ADAMTSL1: variants seen among roughly 807,000 people sequenced by gnomAD.
ADAMTSL1 encodes ADAMTS like 1, also known as ADAMTS-like protein 1.
ADAMTSL1 carries 126 observed loss-of-function variants against 201.8 expected under a neutral mutation model. The ratio of observed to expected loss-of-function variants is 0.62; its 90% CI spans 0.54 to 0.72. ADAMTSL1 has a LOEUF of 0.72. ADAMTSL1 is among the 30% of genes least tolerant of loss of function. The pLI, the probability that ADAMTSL1 is intolerant of heterozygous loss-of-function variation, is 0.00. For synonymous variants in ADAMTSL1, 1,121 were observed against 903.4 expected (o/e 1.24, Z -4.32); for missense variants, 2,679 against 2,277.8 (o/e 1.18, Z -3.59).
intron 1 of ADAMTSL1, among the ~76,000 whole-genome samples, chr9:18,022,849 G>T (rs1185062393): frequency 6.6e-6 from 1 of 151,878 alleles, no homozygotes. Context: ...TGACTATTTT[G>T]GTTCCGGAAT....
intron 1 of ADAMTSL1, among the ~76,000 whole-genome samples, chr9:17,951,232 G>T (rs905362582): frequency 6.6e-6 from 1 of 152,176 alleles, no homozygotes; most frequent in Non-Finnish European, 1.5e-5. Context: ...AAGGTAAAGA[G>T]ATGTGTGGCA....
Position 18,661,925 on chromosome 9 carries a change from G to C in ADAMTSL1, c.947-10G>C. 6 of 1,610,262 alleles carry C rather than the reference G, an allele frequency of 3.7e-6. No homozygotes were observed. The highest frequency in any genetic ancestry group is 5.1e-6 in the Non-Finnish European group (6 of 1,178,700). On this transcript the variant is annotated splice_polypyrimidine_tract_variant and intron_variant, in intron 8 of 28. Transcript: ENST00000380548. The stretch of plus-strand genomic sequence containing the variant: ...ACATTTAAACTTGCCTGGATGGTTT[G>C]ATACTACAGGTTATCAGCTGACATC...
intron 1 of ADAMTSL1, among the ~76,000 whole-genome samples, chr9:18,157,955 T>C (rs1486416584): frequency 6.6e-6 from 1 of 152,032 alleles, no homozygotes; most frequent in Non-Finnish European, 1.5e-5. Context: ...ATAGGTATAT[T>C]GTCACTACAG....
intron 2 of ADAMTSL1, among the ~76,000 whole-genome samples, chr9:18,338,444 T>C (rs1327466330): frequency 6.6e-6 from 1 of 150,854 alleles, no homozygotes; most frequent in Non-Finnish European, 1.5e-5. Context: ...TCCCCTTTTC[T>C]GTTTTTGGCT....
chr9:18,009,571 G>GAAAC (rs1188217782), intron 1 of ADAMTSL1, among the ~76,000 whole-genome samples: 2 of 152,014 alleles, frequency 1.3e-5, no homozygotes, highest in African/African-American at 4.8e-5. Context: ...TTGGATAAGA[G>GAAAC]AAACTACTTT....
At chr9:17,954,782 AC>A (rs1444381437) in intron 1 of ADAMTSL1, among the ~76,000 whole-genome samples, 1 of 152,136 alleles carries the variant, frequency 6.6e-6, no homozygotes, top group African/African-American at 2.4e-5. Context: ...AAAATTAAAC[AC>A]AGTTAGGTCT....
intron 14 of ADAMTSL1, among the ~76,000 whole-genome samples, chr9:18,718,979 G>A (rs1000217416): frequency 6.6e-6 from 1 of 152,198 alleles, no homozygotes; most frequent in African/African-American, 2.4e-5. Context: ...CACAGCTCTA[G>A]ATTCTGTATG....
At chr9:18,542,067 G>A (rs1028134318) in intron 3 of ADAMTSL1, among the ~76,000 whole-genome samples, 6 of 152,166 alleles carry the variant, frequency 3.9e-5, no homozygotes, top group African/African-American at 1.4e-4. Flanking sequence ...ACCTAATACA[G>A]AGCAGGGAGG....
chr9:18,687,578 T>C (rs1320225539), intron 13 of ADAMTSL1, among the ~76,000 whole-genome samples: 2 of 152,222 alleles, frequency 1.3e-5, no homozygotes, highest in Non-Finnish European at 2.9e-5. Context: ...TTTATTTCCG[T>C]ATATGGAAAG....
chr9:18,529,415 T>C (rs961666893), intron 2 of ADAMTSL1, among the ~76,000 whole-genome samples: 2 of 152,202 alleles, frequency 1.3e-5, no homozygotes, highest in African/African-American at 4.8e-5. Flanking sequence ...TTCTTATTGT[T>C]TGATAGACTT....
intron 2 of ADAMTSL1, among the ~76,000 whole-genome samples, chr9:18,259,042 C>G (rs1337008506): frequency 6.6e-6 from 1 of 152,178 alleles, no homozygotes; most frequent in South Asian, 2.1e-4. Flanking sequence ...AGTGACTTTT[C>G]TTTGACTCTG....
At chr9:18,018,334 C>A (rs1402024875) in intron 1 of ADAMTSL1, among the ~76,000 whole-genome samples, 1 of 152,050 alleles carries the variant, frequency 6.6e-6, no homozygotes, top group Non-Finnish European at 1.5e-5. Context: ...TAGCAGACAA[C>A]CTTTAAGACT....
chr9:18,770,209 G>T (rs983135434), intron 16 of ADAMTSL1, among the ~76,000 whole-genome samples: 3 of 152,160 alleles, frequency 2.0e-5, no homozygotes, highest in African/African-American at 7.2e-5. Flanking sequence ...ACTGATGGCG[G>T]GAGCTCTCTC....
chr9:18,767,745 T>C (rs1258891529), intron 16 of ADAMTSL1, among the ~76,000 whole-genome samples: 2 of 152,228 alleles, frequency 1.3e-5, no homozygotes, highest in African/African-American at 4.8e-5. Flanking sequence ...CTTTAATGTC[T>C]TATTGAATTG....
intron 1 of ADAMTSL1, among the ~76,000 whole-genome samples, chr9:17,928,144 G>A (rs539808367): frequency 2.1e-4 from 32 of 151,920 alleles, no homozygotes; most frequent in Non-Finnish European, 5.9e-5. Flanking sequence ...ACAGGGATAC[G>A]CCAACCAGGC....
intron 1 of ADAMTSL1, among the ~76,000 whole-genome samples, chr9:17,931,516 T>C (rs1175214529): frequency 6.6e-6 from 1 of 152,180 alleles, no homozygotes; most frequent in Non-Finnish European, 1.5e-5. Flanking sequence ...AAATGTACAT[T>C]TAAACTCTAA....
At chr9:18,094,111 G>T (rs1245112002) in intron 1 of ADAMTSL1, among the ~76,000 whole-genome samples, 2 of 152,160 alleles carry the variant, frequency 1.3e-5, no homozygotes, top group African/African-American at 4.8e-5. Flanking sequence ...GAAACTGGAG[G>T]TTAGAAAACC....
chr9:18,162,469 C>A (rs1048415430), intron 1 of ADAMTSL1, among the ~76,000 whole-genome samples: 15 of 151,860 alleles, frequency 9.9e-5, no homozygotes, highest in African/African-American at 3.6e-4. Flanking sequence ...GTGCTGGGGG[C>A]CAAGATTCTT....
chr9:18,095,505 C>T (rs1187931586), intron 1 of ADAMTSL1, among the ~76,000 whole-genome samples: 2 of 148,752 alleles, frequency 1.3e-5, no homozygotes, highest in Admixed American at 1.4e-4. Flanking sequence ...TTACTGCAAC[C>T]TCCCCCTTCT....
Sources: gnomAD v4.1 joint callset for allele counts (sites outside exome capture counted in the v4.1 genomes callset) on GRCh38, gnomAD v4.1.1 for gene constraint, MANE v1.5 for transcripts, NCBI Gene and HGNC (gene_info 2026-07-23, HGNC 2026-07-21) for gene names.